NHSL1: variants seen among roughly 807,000 people sequenced by gnomAD.
NHSL1 encodes NHS like 1.
A neutral mutation model predicts 95.0 loss-of-function variants in NHSL1; 48 were observed. The observed-to-expected ratio is 0.51, with a 90% confidence interval of 0.40 to 0.64. The LOEUF (loss-of-function observed/expected upper bound fraction) is 0.64, where lower values mean the gene tolerates loss of function less well. NHSL1 is among the 30% of genes least tolerant of loss of function. The pLI is 0.00. For missense variants in NHSL1, 1,971 were observed against 2,077.7 expected (o/e 0.95, Z 1.00); for synonymous variants, 783 against 833.9 (o/e 0.94, Z 1.05).
chr6:138,449,602 G>A (rs562064699), intron 3 of NHSL1, among the ~76,000 whole-genome samples: 3 of 152,140 alleles, frequency 2.0e-5, no homozygotes, highest in South Asian at 2.1e-4. Context: ...GCTTGAACTC[G>A]GGAGGCTGAG....
At chr6:138,594,385 G>T (rs187261719) in intron 1 of NHSL1, among the ~76,000 whole-genome samples, 1 of 152,000 alleles carries the variant, frequency 6.6e-6, no homozygotes, top group African/African-American at 2.4e-5. Context: ...CCAATTTCGC[G>T]GGGCTTCTGC....
At chr6:138,527,658 T>A (rs1391951099) in intron 1 of NHSL1, among the ~76,000 whole-genome samples, 2 of 152,134 alleles carry the variant, frequency 1.3e-5, no homozygotes, top group African/African-American at 4.8e-5. Flanking sequence ...AAACCCAAAG[T>A]GAAAAGATCC....
At chr6:138,447,297 G>C in intron 3 of NHSL1, 104 bp from the exon 4 acceptor site, 1 of 935,268 alleles carries the variant, frequency 1.1e-6, no homozygotes, top group Non-Finnish European at 1.6e-6. Flanking sequence ...TTTAAAAGAA[G>C]CCAAAATAAT....
At chr6:138,599,405 G>A (rs1389027190) in intron 1 of NHSL1, among the ~76,000 whole-genome samples, 1 of 152,028 alleles carries the variant, frequency 6.6e-6, no homozygotes, top group African/African-American at 2.4e-5. Flanking sequence ...CCAGCTACTT[G>A]GGAGGCTGAG....
intron 2 of NHSL1, among the ~76,000 whole-genome samples, chr6:138,482,734 C>T (rs966100546): frequency 2.6e-5 from 4 of 152,142 alleles, no homozygotes; most frequent in African/African-American, 9.7e-5. Flanking sequence ...AGAAGAGCAG[C>T]AGCAGTCAAG....
chr6:138,446,226 A>G (rs1776856463), intron 4 of NHSL1, among the ~76,000 whole-genome samples: 2 of 151,872 alleles, frequency 1.3e-5, no homozygotes, highest in Non-Finnish European at 2.9e-5. Flanking sequence ...TAGTACAGAC[A>G]GGGTTTCACC....
At chr6:138,587,773 A>G (rs1223794002) in intron 1 of NHSL1, among the ~76,000 whole-genome samples, 1 of 152,266 alleles carries the variant, frequency 6.6e-6, no homozygotes, top group East Asian at 1.9e-4. Flanking sequence ...TTCCCATGGA[A>G]CATGCCAAGG....
At chr6:138,539,094 A>G (rs376433430) in intron 1 of NHSL1, among the ~76,000 whole-genome samples, 1 of 152,242 alleles carries the variant, frequency 6.6e-6, no homozygotes, top group East Asian at 1.9e-4. Flanking sequence ...CATAATCACC[A>G]GATAGAAGAT....
intron 1 of NHSL1, among the ~76,000 whole-genome samples, chr6:138,623,315 A>C (rs1395579102): frequency 6.6e-6 from 1 of 152,222 alleles, no homozygotes; most frequent in African/African-American, 2.4e-5. Context: ...GGAGACGAAG[A>C]GACAACAGGG....
At chr6:138,627,014 C>T (rs971629176) in intron 1 of NHSL1, among the ~76,000 whole-genome samples, 2 of 151,502 alleles carry the variant, frequency 1.3e-5, no homozygotes, top group African/African-American at 4.8e-5. Flanking sequence ...TAAAATTCTG[C>T]TGCACATAAA....
intron 1 of NHSL1, among the ~76,000 whole-genome samples, chr6:138,597,539 G>A (rs568615380): frequency 2.6e-5 from 4 of 152,130 alleles, no homozygotes; most frequent in Non-Finnish European, 5.9e-5. Context: ...TTATTCTAGT[G>A]TAGACTCCTT....
intron 1 of NHSL1, among the ~76,000 whole-genome samples, chr6:138,645,131 T>C (rs1267215767): frequency 6.6e-6 from 1 of 152,220 alleles, no homozygotes; most frequent in Admixed American, 6.5e-5. Context: ...TCTAATGATG[T>C]TTCTGTTTAG....
chr6:138,557,139 C>T (rs928415487), intron 1 of NHSL1, among the ~76,000 whole-genome samples: 1 of 152,092 alleles, frequency 6.6e-6, no homozygotes, highest in Non-Finnish European at 1.5e-5. Flanking sequence ...ATACAGTCAC[C>T]GGTCCATGAT....
intron 1 of NHSL1, among the ~76,000 whole-genome samples, chr6:138,639,475 T>C (rs1164871649): frequency 6.6e-6 from 1 of 151,588 alleles, no homozygotes; most frequent in Non-Finnish European, 1.5e-5. Context: ...CGTCTTCTAC[T>C]AAAAATACAA....
chr6:138,688,861 T>C (rs550313028), intron 1 of NHSL1, among the ~76,000 whole-genome samples: 11 of 152,348 alleles, frequency 7.2e-5, no homozygotes, highest in South Asian at 4.1e-4. Flanking sequence ...GGTTAAGCAC[T>C]AAACATTAAA....
At chr6:138,466,886 C>T (rs1227486755) in intron 3 of NHSL1, among the ~76,000 whole-genome samples, 1 of 151,926 alleles carries the variant, frequency 6.6e-6, no homozygotes, top group East Asian at 1.9e-4. Flanking sequence ...GAGTTTGAGA[C>T]CAGCCTGGAC....
chr6:138,589,778 C>CA (rs76297099), intron 1 of NHSL1, among the ~76,000 whole-genome samples: 6,513 of 152,216 alleles, frequency 0.043, 184 homozygotes, highest in South Asian at 0.072. Flanking sequence ...CATCAGACAG[C>CA]AAATCGCCTC....
chr6:138,536,895 T>C (rs1034910935), intron 1 of NHSL1, among the ~76,000 whole-genome samples: 2 of 152,162 alleles, frequency 1.3e-5, no homozygotes, highest in African/African-American at 4.8e-5. Flanking sequence ...CCTGGCCTCT[T>C]CTCTCTAAGA....
At chr6:138,658,007 G>A (rs1337852702) in intron 1 of NHSL1, among the ~76,000 whole-genome samples, 3 of 151,910 alleles carry the variant, frequency 2.0e-5, no homozygotes, top group Non-Finnish European at 4.4e-5. Context: ...TGAGGAAATT[G>A]TAAAACTATC....
Sources: gnomAD v4.1 joint callset for allele counts (sites outside exome capture counted in the v4.1 genomes callset) on GRCh38, gnomAD v4.1.1 for gene constraint, MANE v1.5 for transcripts, NCBI Gene and HGNC (gene_info 2026-07-23, HGNC 2026-07-21) for gene names.